The following TRAPPC9 variants were observed in gnomAD, a reference collection of about 807,000 sequenced individuals.
TRAPPC9 encodes the protein trafficking protein particle complex subunit 9.
TRAPPC9 carries 83 observed loss-of-function variants against 124.0 expected under a neutral mutation model. The observed-to-expected ratio is 0.67, with a 90% confidence interval of 0.56 to 0.80. TRAPPC9 has a LOEUF of 0.80. Ranked by LOEUF, TRAPPC9 falls within the 30% of genes least tolerant of loss-of-function variation. The pLI, the probability that TRAPPC9 is intolerant of heterozygous loss-of-function variation, is 0.00. For missense variants in TRAPPC9, 1,302 were observed against 1,508.3 expected (o/e 0.86, Z 2.27); for synonymous variants, 638 against 617.5 (o/e 1.03, Z -0.49).
intron 7 of TRAPPC9, among the ~76,000 whole-genome samples, chr8:140,380,061 G>A (rs1175143506): frequency 1.3e-5 from 2 of 152,082 alleles, no homozygotes; most frequent in African/African-American, 2.4e-5. Flanking sequence ...CAAAATCCCA[G>A]CTGACTTATT....
chr8:140,113,914 C>G (rs1311483249), intron 17 of TRAPPC9, among the ~76,000 whole-genome samples: 1 of 152,184 alleles, frequency 6.6e-6, no homozygotes, highest in Non-Finnish European at 1.5e-5. Context: ...AAGCTGCACC[C>G]ACGCTTCCCA....
At chr8:140,391,872 C>T (rs1370296470) in intron 7 of TRAPPC9, among the ~76,000 whole-genome samples, 10 of 150,882 alleles carry the variant, frequency 6.6e-5, no homozygotes, top group Non-Finnish European at 1.3e-4. Context: ...ACCAAAAATA[C>T]AAAAATTAGC....
At chr8:140,405,867 A>C (rs1209043223) in intron 5 of TRAPPC9, among the ~76,000 whole-genome samples, 169 bp from the exon 6 acceptor site, 6 of 152,250 alleles carry the variant, frequency 3.9e-5, no homozygotes, top group African/African-American at 1.4e-4. Context: ...CCTTGCTATC[A>C]AAGCATTGTA....
intron 19 of TRAPPC9, among the ~76,000 whole-genome samples, chr8:139,936,380 G>A (rs1833516606): frequency 6.6e-6 from 1 of 152,224 alleles, no homozygotes; most frequent in South Asian, 2.1e-4. Flanking sequence ...ATGAACACAA[G>A]GACAAAGGAA....
intron 18 of TRAPPC9, among the ~76,000 whole-genome samples, chr8:140,012,484 A>G (rs1224218418): frequency 6.6e-6 from 1 of 152,358 alleles, no homozygotes; most frequent in East Asian, 1.9e-4. Context: ...GCCACGCATC[A>G]GGCACACAGT....
intron 3 of TRAPPC9, among the ~76,000 whole-genome samples, chr8:140,436,372 T>C (rs994580168): frequency 1.3e-5 from 2 of 152,128 alleles, no homozygotes; most frequent in Non-Finnish European, 2.9e-5. Context: ...AATAAAATAA[T>C]AAGCTTGTCA....
chr8:140,119,285 CTG>C (rs1488029204), intron 17 of TRAPPC9, among the ~76,000 whole-genome samples: 1 of 152,228 alleles, frequency 6.6e-6, no homozygotes, highest in Non-Finnish European at 1.5e-5. Context: ...CCTAAGAAAA[CTG>C]TGATCAGGAT....
intron 21 of TRAPPC9, among the ~76,000 whole-genome samples, chr8:139,773,413 T>C (rs114358765): frequency 0.015 from 2,328 of 152,332 alleles, 70 homozygotes; most frequent in African/African-American, 0.054. Context: ...GAGCAGGCAG[T>C]GCAGCAGACG....
At chr8:140,209,869 G>T (rs572625518) in intron 17 of TRAPPC9, among the ~76,000 whole-genome samples, 1 of 152,196 alleles carries the variant, frequency 6.6e-6, no homozygotes, top group African/African-American at 2.4e-5. Context: ...GAAATTATAC[G>T]TAAAGGGGCA....
intron 21 of TRAPPC9, 105 bp from the exon 22 acceptor site, chr8:139,732,307 C>T: frequency 9.2e-7 from 1 of 1,092,144 alleles, no homozygotes; most frequent in Non-Finnish European, 1.3e-6. Flanking sequence ...CTTCACTCTT[C>T]AAGGCTGCCA....
intron 17 of TRAPPC9, among the ~76,000 whole-genome samples, chr8:140,141,719 G>A (rs1189594823): frequency 6.6e-6 from 1 of 152,162 alleles, no homozygotes; most frequent in African/African-American, 2.4e-5. Context: ...AGTGAAGCAG[G>A]AACAACAGAT....
chr8:139,756,061 G>T (rs1205064941), intron 21 of TRAPPC9, among the ~76,000 whole-genome samples: 1 of 123,578 alleles, frequency 8.1e-6, no homozygotes, highest in Non-Finnish European at 1.6e-5. Flanking sequence ...AGGACAGCAG[G>T]TCGCAGGAGG....
chr8:140,340,932 T>A (rs1484225016), intron 9 of TRAPPC9, among the ~76,000 whole-genome samples: 2 of 152,224 alleles, frequency 1.3e-5, no homozygotes, highest in African/African-American at 4.8e-5. Flanking sequence ...AATTACTATA[T>A]ATTGAGCACA....
intron 4 of TRAPPC9, among the ~76,000 whole-genome samples, chr8:140,429,601 T>C (rs1165175735): frequency 2.0e-5 from 3 of 151,910 alleles, no homozygotes; most frequent in Non-Finnish European, 1.5e-5. Flanking sequence ...AGGTCAGGAG[T>C]TTGCGACCAG....
At chr8:139,792,754 C>T (rs966927699) in intron 21 of TRAPPC9, among the ~76,000 whole-genome samples, 2 of 152,226 alleles carry the variant, frequency 1.3e-5, no homozygotes, top group Admixed American at 6.5e-5. Flanking sequence ...GACCCACGGC[C>T]GGCGAGGGAT....
At chr8:139,813,705 G>A (rs910850043) in intron 21 of TRAPPC9, among the ~76,000 whole-genome samples, 4 of 152,224 alleles carry the variant, frequency 2.6e-5, no homozygotes, top group Non-Finnish European at 5.9e-5. Flanking sequence ...GGCTTCCTGG[G>A]GTCTAATGTG....
intron 19 of TRAPPC9, among the ~76,000 whole-genome samples, chr8:139,938,959 A>G (rs1211691358): frequency 1.3e-5 from 2 of 152,228 alleles, no homozygotes; most frequent in Non-Finnish European, 2.9e-5. Context: ...TTAATTTTTT[A>G]AGGCCAAAGG....
At chr8:140,033,693 T>TTG (rs1840695527) in intron 17 of TRAPPC9, among the ~76,000 whole-genome samples, 1 of 109,602 alleles carries the variant, frequency 9.1e-6, no homozygotes, top group Non-Finnish European at 1.7e-5. Flanking sequence ...TTTTTTTTTT[T>TTG]TTTTTTGAGA....
intron 21 of TRAPPC9, among the ~76,000 whole-genome samples, chr8:139,748,688 C>G (rs772611459): frequency 3.3e-5 from 5 of 152,022 alleles, no homozygotes; most frequent in Admixed American, 1.3e-4. Flanking sequence ...GCGTGTCTAG[C>G]GCAGCCTCTC....
Sources: gnomAD v4.1 joint callset for allele counts (sites outside exome capture counted in the v4.1 genomes callset) on GRCh38, gnomAD v4.1.1 for gene constraint, MANE v1.5 for transcripts, NCBI Gene and HGNC (gene_info 2026-07-23, HGNC 2026-07-21) for gene names.